ALKAL1: variants seen among roughly 807,000 people sequenced by gnomAD.
ALKAL1 encodes the protein ALK and LTK ligand 1, also known as AUG-beta.
Under a neutral mutation model 13.5 loss-of-function variants are expected in ALKAL1, and 23 were observed. That is an observed-to-expected ratio of 1.70 (90% confidence interval 1.23 to 2.41). The LOEUF (loss-of-function observed/expected upper bound fraction) is 2.41. ALKAL1 is among the 30% of genes most tolerant of loss of function. The pLI is 0.00. For synonymous variants in ALKAL1, 85 were observed against 77.7 expected, an observed-to-expected ratio of 1.09 and a Z score of -0.49; for missense variants, 181 against 178.4, an observed-to-expected ratio of 1.01 and a Z score of -0.08.
At chr8:52,542,644 C>T (rs1847325358) in intron 1 of ALKAL1, among the ~76,000 whole-genome samples, 199 bp from the exon 2 acceptor site, 2 of 152,200 alleles carry the variant, frequency 1.3e-5, no homozygotes, top group Admixed American at 1.3e-4. Context: ...GCTTGCTCTA[C>T]GGCATGAAGG....
intron 2 of ALKAL1, among the ~76,000 whole-genome samples, chr8:52,541,261 A>G (rs1847309196): frequency 6.6e-6 from 1 of 152,174 alleles, no homozygotes; most frequent in East Asian, 1.9e-4. Context: ...GGATCACTTG[A>G]GCCAGGAGTT....
intron 3 of ALKAL1, 99 bp from the exon 4 acceptor site, chr8:52,538,606 G>T: frequency 1.3e-6 from 1 of 747,434 alleles, no homozygotes; most frequent in Non-Finnish European, 2.3e-6. Flanking sequence ...AATAACTACA[G>T]TTTAATAAAT....
chr8:52,535,266 G>C (rs1182433965), intron 4 of ALKAL1, among the ~76,000 whole-genome samples: 2 of 151,956 alleles, frequency 1.3e-5, no homozygotes, highest in East Asian at 1.9e-4. Flanking sequence ...AAAGAGTTGA[G>C]GCCAGGCACA....
At chr8:52,549,886 G>C (rs529893021) in intron 1 of ALKAL1, among the ~76,000 whole-genome samples, 14 of 152,248 alleles carry the variant, frequency 9.2e-5, no homozygotes, top group African/African-American at 2.9e-4. Flanking sequence ...AGGTTGCAGT[G>C]AGCCCAGGTC....
intron 1 of ALKAL1, among the ~76,000 whole-genome samples, chr8:52,542,888 C>T (rs1590865940): frequency 6.6e-6 from 1 of 152,180 alleles, no homozygotes; most frequent in African/African-American, 2.4e-5. Flanking sequence ...TCCAGACCCA[C>T]TCACTTCTTT....
At chr8:52,562,295 A>G (rs1234990215) in intron 1 of ALKAL1, among the ~76,000 whole-genome samples, 1 of 152,190 alleles carries the variant, frequency 6.6e-6, no homozygotes, top group African/African-American at 2.4e-5. Context: ...TGGGAAGGAC[A>G]CTAAAAAGGA....
chr8:52,544,068 T>G (rs1847342821), intron 1 of ALKAL1, among the ~76,000 whole-genome samples: 1 of 152,034 alleles, frequency 6.6e-6, no homozygotes, highest in Non-Finnish European at 1.5e-5. Flanking sequence ...TCCCCACAAT[T>G]ATGGCTTCCT....
At chr8:52,563,278 T>C (rs1219545587) in intron 1 of ALKAL1, among the ~76,000 whole-genome samples, 1 of 151,848 alleles carries the variant, frequency 6.6e-6, no homozygotes, top group Non-Finnish European at 1.5e-5. Flanking sequence ...AAAATAAAAA[T>C]TAAAATTAGC....
intron 1 of ALKAL1, among the ~76,000 whole-genome samples, chr8:52,560,528 T>C (rs549349858): frequency 6.6e-6 from 1 of 152,250 alleles, no homozygotes; most frequent in African/African-American, 2.4e-5. Context: ...AAAATTGCCA[T>C]TAAAAAGGAA....
At chr8:52,550,494 G>A (rs1847418935) in intron 1 of ALKAL1, among the ~76,000 whole-genome samples, 1 of 152,184 alleles carries the variant, frequency 6.6e-6, no homozygotes, top group South Asian at 2.1e-4. Flanking sequence ...AAGTACAGAC[G>A]GATTCTGCCT....
At chr8:52,555,671 A>G (rs977325733) in intron 1 of ALKAL1, among the ~76,000 whole-genome samples, 9 of 152,170 alleles carry the variant, frequency 5.9e-5, no homozygotes, top group Admixed American at 3.9e-4. Context: ...GTACTCGACA[A>G]CTAGAGGCAG....
intron 1 of ALKAL1, among the ~76,000 whole-genome samples, chr8:52,556,059 A>G: frequency 6.6e-6 from 1 of 152,188 alleles, no homozygotes; most frequent in East Asian, 1.9e-4. Flanking sequence ...AATTGGCTAC[A>G]AGAAAGCTTA....
intron 3 of ALKAL1, among the ~76,000 whole-genome samples, chr8:52,538,741 C>A (rs1334025367): frequency 6.6e-6 from 1 of 152,070 alleles, no homozygotes; most frequent in Non-Finnish European, 1.5e-5. Flanking sequence ...TAATTAATTA[C>A]CCCATAACTA....
At chr8:52,541,030 G>C (rs1847307387) in intron 2 of ALKAL1, among the ~76,000 whole-genome samples, 1 of 152,226 alleles carries the variant, frequency 6.6e-6, no homozygotes. Flanking sequence ...TGGGAACAGA[G>C]AGGCAATGCC....
chr8:52,553,963 C>T (rs1272161806), intron 1 of ALKAL1, among the ~76,000 whole-genome samples: 2 of 152,190 alleles, frequency 1.3e-5, no homozygotes, highest in African/African-American at 2.4e-5. Context: ...GTGGCTCATG[C>T]CTGTAATCCC....
intron 1 of ALKAL1, among the ~76,000 whole-genome samples, chr8:52,543,576 A>G (rs1032971643): frequency 2.6e-5 from 4 of 152,232 alleles, no homozygotes; most frequent in African/African-American, 9.6e-5. Flanking sequence ...CCATTTGACA[A>G]TGAACACCTG....
intron 1 of ALKAL1, among the ~76,000 whole-genome samples, chr8:52,550,482 A>G (rs534264094): frequency 2.6e-5 from 4 of 152,334 alleles, no homozygotes; most frequent in African/African-American, 9.6e-5. Flanking sequence ...TACATATGGA[A>G]TAAGTACAGA....
intron 1 of ALKAL1, among the ~76,000 whole-genome samples, chr8:52,545,920 T>G (rs962179584): frequency 1.3e-5 from 2 of 152,204 alleles, no homozygotes; most frequent in African/African-American, 4.8e-5. Context: ...AGAGTGCATT[T>G]ACATAAACCT....
At chr8:52,558,729 T>TA (rs1198555431) in intron 1 of ALKAL1, among the ~76,000 whole-genome samples, 5 of 151,890 alleles carry the variant, frequency 3.3e-5, no homozygotes, top group African/African-American at 7.3e-5. Flanking sequence ...ATGCCTAATT[T>TA]AAAAAAAATT....
Sources: gnomAD v4.1 joint callset for allele counts (sites outside exome capture counted in the v4.1 genomes callset) on GRCh38, gnomAD v4.1.1 for gene constraint, MANE v1.5 for transcripts, NCBI Gene and HGNC (gene_info 2026-07-23, HGNC 2026-07-21) for gene names.